Variants in GATAD2B observed in about 807,000 individuals in gnomAD.
The protein encoded by GATAD2B is transcriptional repressor p66-beta.
Under a neutral mutation model 64.3 loss-of-function variants are expected in GATAD2B, and 8 were observed. The ratio of observed to expected loss-of-function variants is 0.12; its 90% CI spans 0.07 to 0.22. The LOEUF is 0.22. Among genes scored for constraint, GATAD2B ranks in the 10% least tolerant of loss-of-function variants. The probability of loss-of-function intolerance (pLI) is 1.00; values close to 1 mark genes in which losing one functional copy is unlikely to be tolerated. For missense variants in GATAD2B, 453 were observed against 752.0 expected, an observed-to-expected ratio of 0.60 and a Z score of 4.65; for synonymous variants, 281 against 271.3, an observed-to-expected ratio of 1.04 and a Z score of -0.35.
At chr1:153,821,600 T>G (rs980948284) in intron 2 of GATAD2B, among the ~76,000 whole-genome samples, 2 of 152,046 alleles carry the variant, frequency 1.3e-5, no homozygotes, top group African/African-American at 4.8e-5. Context: ...GGATTCTGGC[T>G]CTGTCGCCCA....
intron 1 of GATAD2B, among the ~76,000 whole-genome samples, chr1:153,894,693 T>C (rs999224156): frequency 1.3e-4 from 19 of 151,598 alleles, no homozygotes; most frequent in Non-Finnish European, 2.5e-4. Flanking sequence ...AAACCCCGTC[T>C]CTACTAAAAA....
At chr1:153,903,290 C>G (rs1026735439) in intron 1 of GATAD2B, among the ~76,000 whole-genome samples, 1 of 151,914 alleles carries the variant, frequency 6.6e-6, no homozygotes, top group African/African-American at 2.4e-5. Flanking sequence ...CAAGTTTTCT[C>G]TCTATCAGAA....
chr1:153,883,172 C>T (rs1677060667), intron 1 of GATAD2B, among the ~76,000 whole-genome samples: 1 of 152,136 alleles, frequency 6.6e-6, no homozygotes, highest in Admixed American at 6.6e-5. Flanking sequence ...AGCCCTTGTT[C>T]TCAAATATTA....
Position 153,818,945 on chromosome 1 carries a change from A to G in GATAD2B, c.466-23T>C, listed in dbSNP as rs749701640. The G allele has an allele frequency of 4.4e-6, 7 of 1,603,906 alleles. No individual in the cohort carries two copies. The African/African-American group carries it at 5.3e-5, about 12-fold the overall frequency. ...CCCCTAAGGAAACAAGAAGACTTTC[A>G]GCTATGGCAGCAAGGTACCCAGAAT... is the stretch of plus-strand genomic sequence containing the variant. On this transcript the variant is annotated intron_variant, in intron 3 of 10. Coordinates refer to ENST00000368655, the MANE Select transcript of GATAD2B (RefSeq NM_020699.4).
At position 153,844,104 on chromosome 1, in the gene GATAD2B, G is replaced by A. The variant is rs113752155; in HGVS notation, c.-1-15756C>T. On this transcript the variant is annotated intron_variant, in intron 1 of 10. Coordinates refer to ENST00000368655, the MANE Select transcript of GATAD2B (RefSeq NM_020699.4). ...ACAGAGTATCACAGCAGAGAAAGCT[G>A]CAGAGAAAGTCTCAGAAGCCCAGAG... Among the ~76,000 whole-genome samples, 32 of 152,222 alleles carry A rather than the reference G, an allele frequency of 2.1e-4. 1 individual carries two copies. The highest frequency in any genetic ancestry group is 7.7e-4 in the African/African-American group (32 of 41,538).
intron 1 of GATAD2B, among the ~76,000 whole-genome samples, chr1:153,876,840 T>C (rs981763773): frequency 6.6e-6 from 1 of 150,978 alleles, no homozygotes; most frequent in Admixed American, 6.6e-5. Flanking sequence ...CCGTCTCTAC[T>C]AAAAATACAA....
At chr1:153,899,560 C>T (rs144318082) in intron 1 of GATAD2B, among the ~76,000 whole-genome samples, 2 of 150,972 alleles carry the variant, frequency 1.3e-5, no homozygotes, top group African/African-American at 4.9e-5. Context: ...GACGACGAAA[C>T]TCCATCTTAA....
intron 1 of GATAD2B, among the ~76,000 whole-genome samples, chr1:153,834,978 G>A (rs1372303162): frequency 6.6e-6 from 1 of 151,838 alleles, no homozygotes; most frequent in Non-Finnish European, 1.5e-5. Context: ...AAAAAAATTA[G>A]TTGGGCACGG....
At chr1:153,886,104 T>C (rs1677176532) in intron 1 of GATAD2B, among the ~76,000 whole-genome samples, 1 of 152,222 alleles carries the variant, frequency 6.6e-6, no homozygotes, top group Non-Finnish European at 1.5e-5. Context: ...TATCATAAAC[T>C]GGCAAAAACA....
At chr1:153,837,586 T>C (rs1221183161) in intron 1 of GATAD2B, among the ~76,000 whole-genome samples, 1 of 152,136 alleles carries the variant, frequency 6.6e-6, no homozygotes, top group Admixed American at 6.6e-5. Context: ...ATGTTACATA[T>C]ATTTTACCAC....
chr1:153,853,017 C>T lies in GATAD2B; in HGVS notation c.-1-24669G>A, dbSNP rs547321421. 41 of 1,315,790 alleles carry T rather than the reference C, an allele frequency of 3.1e-5. No individual in the cohort carries two copies. The East Asian group carries it at 9.0e-4, about 29-fold the overall frequency. 81.5% of individuals were successfully genotyped at this position (1,315,790 alleles called of 1,614,324 possible). A position where few individuals can be genotyped will look rare whatever the true frequency, so the allele number is the denominator to read the frequency against. ...CTACCCCTTTGGTCTTGTCCATCAA[C>T]CCTGTGATGAATCCTTGGCCCCAGT... On this transcript the variant is annotated intron_variant, in intron 1 of 10. Transcript: ENST00000368655.
intron 1 of GATAD2B, among the ~76,000 whole-genome samples, chr1:153,901,551 C>G (rs1677771294): frequency 6.6e-6 from 1 of 151,956 alleles, no homozygotes; most frequent in Non-Finnish European, 1.5e-5. Context: ...CCAACTGCGC[C>G]CGATGGCTCA....
At chr1:153,817,680 T>C in intron 5 of GATAD2B, 138 bp from the exon 6 acceptor site, 1 of 589,798 alleles carries the variant, frequency 1.7e-6, no homozygotes, top group Middle Eastern at 4.1e-4. Flanking sequence ...CTTGGTAATT[T>C]CATTTAATGG....
intron 1 of GATAD2B, among the ~76,000 whole-genome samples, chr1:153,858,267 A>T (rs940420398): frequency 1.3e-5 from 2 of 152,144 alleles, no homozygotes; most frequent in Non-Finnish European, 2.9e-5. Flanking sequence ...TATTGAGTTA[A>T]AAATCCAGAA....
At position 153,893,987 on chromosome 1, in the gene GATAD2B, A is replaced by G. The variant is rs1487247214; in HGVS notation, c.-2+28746T>C. ...AAAAAAAAAAAAAAAAAAAAACCCA[A>G]AAAATGTCCCCATACTAACTGGAAC... On this transcript the variant is annotated intron_variant, in intron 1 of 10. Transcript: ENST00000368655. Among the ~76,000 whole-genome samples the G allele has an allele frequency of 2.0e-5, 3 of 150,354 alleles. No individual in the cohort carries two copies. The East Asian group carries it at 5.8e-4, about 29-fold the overall frequency.
intron 1 of GATAD2B, among the ~76,000 whole-genome samples, chr1:153,883,521 C>T (rs1677067393): frequency 6.6e-6 from 1 of 152,160 alleles, no homozygotes; most frequent in Admixed American, 6.6e-5. Flanking sequence ...TGATAAATGT[C>T]GCAAGCAAAA....
At chr1:153,836,666 A>G (rs1675281087) in intron 1 of GATAD2B, among the ~76,000 whole-genome samples, 1 of 152,126 alleles carries the variant, frequency 6.6e-6, no homozygotes, top group Non-Finnish European at 1.5e-5. Flanking sequence ...TGGGTGACAG[A>G]GCAAGACCCT....
At chr1:153,911,659 T>C (rs537832395) in intron 1 of GATAD2B, among the ~76,000 whole-genome samples, 1 of 151,816 alleles carries the variant, frequency 6.6e-6, no homozygotes, top group South Asian at 2.1e-4. Context: ...TCACTTGAAC[T>C]CGGGAGGCGG....
chr1:153,810,135 G>T lies in GATAD2B; in HGVS notation c.*42C>A. ...AGTTGGGGGAATGAAAGAGGAAAGG[G>T]ATAAAGGATTCAAGGATGGGGCAGT... is the stretch of plus-strand genomic sequence containing the variant. On this transcript the variant is annotated 3_prime_UTR_variant, in exon 11 of 11. Transcript: ENST00000368655. 6.3e-7 allele frequency: 1 copy of T among 1,580,540 alleles called. No homozygotes were observed. The highest frequency in any genetic ancestry group is 8.6e-7 in the Non-Finnish European group (1 of 1,160,338).
Sources: gnomAD v4.1 joint callset for allele counts (sites outside exome capture counted in the v4.1 genomes callset) on GRCh38, gnomAD v4.1.1 for gene constraint, MANE v1.5 for transcripts, NCBI Gene and HGNC (gene_info 2026-07-23, HGNC 2026-07-21) for gene names.